PLCB4: variants seen among roughly 807,000 people sequenced by gnomAD.
The protein encoded by PLCB4 is phospholipase C beta 4.
PLCB4 carries 77 observed loss-of-function variants against 178.8 expected under a neutral mutation model. That is an observed-to-expected ratio of 0.43 (90% CI 0.36 to 0.52). The LOEUF (loss-of-function observed/expected upper bound fraction) is 0.52, where lower values mean the gene tolerates loss of function less well. Among genes scored for constraint, PLCB4 ranks in the 20% least tolerant of loss-of-function variants. The pLI is 0.00. For missense variants in PLCB4, 1,024 were observed against 1,453.4 expected (o/e 0.70, Z 4.80); for synonymous variants, 496 against 490.8 (o/e 1.01, Z -0.14).
At chr20:9,408,297 T>C (rs1485335100) in intron 22 of PLCB4, among the ~76,000 whole-genome samples, 3 of 152,224 alleles carry the variant, frequency 2.0e-5, no homozygotes, top group African/African-American at 7.2e-5. Flanking sequence ...GTGCTGGGCA[T>C]GTAGCTTCTT....
In PLCB4 at chr20:9,374,686, C is replaced by A. The variant is rs532223783; in HGVS notation, c.744+1582C>A. On this transcript the variant is annotated intron_variant, in intron 12 of 39. Transcript: ENST00000378473. The stretch of plus-strand genomic sequence containing the variant: ...TGCATTTCACTGTTAAAGAATGAAG[C>A]AACTCTTAGGTCTTGAGGATAAGTG... 2.3e-4 allele frequency among the ~76,000 whole-genome samples: 35 copies of A among 152,272 alleles called. No individual in the cohort carries two copies. The South Asian group carries it at 6.4e-3, about 28-fold the overall frequency.
intron 2 of PLCB4, among the ~76,000 whole-genome samples, chr20:9,101,487 A>C (rs1414769751): frequency 6.6e-6 from 1 of 152,194 alleles, no homozygotes; most frequent in Non-Finnish European, 1.5e-5. Flanking sequence ...ACAATGAAAG[A>C]TGGAGCATAA....
intron 1 of PLCB4, among the ~76,000 whole-genome samples, chr20:9,096,023 G>A (rs2090899284): frequency 6.6e-6 from 1 of 152,038 alleles, no homozygotes; most frequent in African/African-American, 2.4e-5. Flanking sequence ...TTCTAATTTT[G>A]AGCAATTTTC....
intron 3 of PLCB4, among the ~76,000 whole-genome samples, chr20:9,253,535 C>T (rs1450999268): frequency 2.0e-5 from 3 of 152,144 alleles, no homozygotes; most frequent in Admixed American, 6.6e-5. Flanking sequence ...GCCCTGTTCC[C>T]GTCTCTTTTT....
At chr20:9,230,099 T>C (rs2093915584) in intron 3 of PLCB4, among the ~76,000 whole-genome samples, 1 of 152,198 alleles carries the variant, frequency 6.6e-6, no homozygotes, top group Non-Finnish European at 1.5e-5. Context: ...GGCTTGCAGA[T>C]GGCTGCTTTC....
chr20:9,122,648 T>C (rs1159677552), intron 2 of PLCB4, among the ~76,000 whole-genome samples: 3 of 152,170 alleles, frequency 2.0e-5, no homozygotes, highest in East Asian at 1.9e-4. Context: ...GAGATCAGTT[T>C]TGCTTGATGC....
intron 28 of PLCB4, among the ~76,000 whole-genome samples, chr20:9,433,410 G>T (rs1330245708): frequency 6.6e-6 from 1 of 152,158 alleles, no homozygotes; most frequent in African/African-American, 2.4e-5. Flanking sequence ...ATATTAAGAT[G>T]GGCTGTGTAT....
chr20:9,299,462 A>G (rs2094679272), intron 3 of PLCB4, among the ~76,000 whole-genome samples: 2 of 152,062 alleles, frequency 1.3e-5, no homozygotes, highest in African/African-American at 4.8e-5. Flanking sequence ...CAGTGTACAT[A>G]TGTAAGCAAT....
intron 10 of PLCB4, among the ~76,000 whole-genome samples, chr20:9,372,085 G>A (rs2036296988): frequency 6.6e-6 from 1 of 152,120 alleles, no homozygotes; most frequent in South Asian, 2.1e-4. Flanking sequence ...CACAGAATCT[G>A]GCAGCATGAT....
chr20:9,078,958 T>C (rs2090013720), intron 1 of PLCB4, among the ~76,000 whole-genome samples: 1 of 152,266 alleles, frequency 6.6e-6, no homozygotes, highest in Non-Finnish European at 1.5e-5. Context: ...TAAGAAAAAT[T>C]CTGGTTTGGT....
chr20:9,185,719 C>T (rs183600252), intron 2 of PLCB4, among the ~76,000 whole-genome samples: 25 of 152,244 alleles, frequency 1.6e-4, no homozygotes, highest in Admixed American at 9.2e-4. Context: ...CTCCTTTTTG[C>T]GTGACCTCAT....
chr20:9,452,395 T>C (rs2042820882), intron 32 of PLCB4, among the ~76,000 whole-genome samples: 1 of 152,236 alleles, frequency 6.6e-6, no homozygotes, highest in Non-Finnish European at 1.5e-5. Context: ...AGAGGGGTTA[T>C]ATAACCTGAA....
intron 3 of PLCB4, among the ~76,000 whole-genome samples, chr20:9,304,198 C>T (rs1188242065): frequency 4.7e-5 from 7 of 150,026 alleles, no homozygotes; most frequent in Non-Finnish European, 1.0e-4. Flanking sequence ...ATAATTTCTG[C>T]TTAACTCAAG....
intron 4 of PLCB4, among the ~76,000 whole-genome samples, chr20:9,317,234 T>G (rs573587516): frequency 6.6e-6 from 1 of 152,350 alleles, no homozygotes; most frequent in African/African-American, 2.4e-5. Context: ...TTATTTTTAC[T>G]CCTCGTGTTC....
intron 32 of PLCB4, among the ~76,000 whole-genome samples, chr20:9,452,640 A>G (rs966534500): frequency 1.3e-5 from 2 of 152,216 alleles, no homozygotes; most frequent in Non-Finnish European, 2.9e-5. Flanking sequence ...TGAAATACCT[A>G]CTTTCCAAAG....
intron 19 of PLCB4, among the ~76,000 whole-genome samples, chr20:9,399,639 G>T (rs2038879451): frequency 6.6e-6 from 1 of 152,248 alleles, no homozygotes; most frequent in African/African-American, 2.4e-5. Flanking sequence ...AAAATTGTAT[G>T]TGGTTATAGG....
intron 25 of PLCB4, among the ~76,000 whole-genome samples, chr20:9,419,071 G>GT (rs201509326): frequency 7.3e-4 from 110 of 151,004 alleles, no homozygotes; most frequent in Admixed American, 6.3e-3. Flanking sequence ...ATTCCTTAGA[G>GT]TTTTTTTTTA....
intron 7 of PLCB4, among the ~76,000 whole-genome samples, chr20:9,347,134 T>G (rs1477286159): frequency 1.3e-5 from 2 of 152,136 alleles, no homozygotes; most frequent in Non-Finnish European, 2.9e-5. Flanking sequence ...GGAAATGATG[T>G]GAATAGCTGA....
intron 3 of PLCB4, among the ~76,000 whole-genome samples, chr20:9,239,701 A>G (rs1015867394): frequency 7.2e-5 from 11 of 152,196 alleles, no homozygotes; most frequent in Admixed American, 7.2e-4. Flanking sequence ...TCACACAGTC[A>G]CAAGATGAAG....
Sources: gnomAD v4.1 joint callset for allele counts (sites outside exome capture counted in the v4.1 genomes callset) on GRCh38, gnomAD v4.1.1 for gene constraint, MANE v1.5 for transcripts, NCBI Gene and HGNC (gene_info 2026-07-23, HGNC 2026-07-21) for gene names.